LPCAT1: variants seen among roughly 807,000 people sequenced by gnomAD.
LPCAT1 encodes the protein lysophosphatidylcholine acyltransferase 1, also known as 1-acylglycerol-3-phosphate O-acyltransferase.
In LPCAT1, 23 loss-of-function variants were observed where a neutral mutation model predicts 60.9. That is an observed-to-expected ratio of 0.38 (90% CI 0.27 to 0.53). The LOEUF is 0.53. Ranked by LOEUF, LPCAT1 falls within the 20% of genes least tolerant of loss-of-function variation. The pLI is 0.82. For synonymous variants in LPCAT1, 340 were observed against 301.1 expected, an observed-to-expected ratio of 1.13 and a Z score of -1.34; for missense variants, 622 against 723.6, an observed-to-expected ratio of 0.86 and a Z score of 1.61.
chr5:1,503,741 T>A (rs980198072), intron 1 of LPCAT1, among the ~76,000 whole-genome samples: 72 of 152,200 alleles, frequency 4.7e-4, no homozygotes, highest in African/African-American at 1.7e-3. Context: ...GTCCCTTTTT[T>A]TTTGGGTTGA....
intron 12 of LPCAT1, among the ~76,000 whole-genome samples, chr5:1,467,481 G>C (rs1418978704): frequency 4.6e-5 from 7 of 152,148 alleles, no homozygotes. Flanking sequence ...TCTTCCTCCT[G>C]CTCCAGGTGT....
rs141892570 is a variant in LPCAT1, at chr5:1,521,337, A to G, written c.135+2373T>C. The G allele has an allele frequency of 8.9e-5, 88 of 985,438 alleles. No homozygotes were observed. The African/African-American group carries it at 1.5e-3, about 17-fold the overall frequency. 61.0% of individuals were successfully genotyped at this position (985,438 alleles called of 1,614,324 possible). A position where few individuals can be genotyped will look rare whatever the true frequency, so the allele number is the denominator to read the frequency against. ...GCGGCAAATGCTCACAGGTAAATGC[A>G]GGTACTCACTGGTTTATCTCAACTG... On this transcript the variant is annotated intron_variant, in intron 1 of 13. Coordinates refer to ENST00000283415, the MANE Select transcript of LPCAT1 (RefSeq NM_024830.5). The surrounding 1 kb of genome is among the most constrained non-coding windows in gnomAD (Gnocchi z 4.3).
At chr5:1,465,411 CTA>C (rs1491167478) in intron 13 of LPCAT1, among the ~76,000 whole-genome samples, 3 of 147,396 alleles carry the variant, frequency 2.0e-5, no homozygotes, top group Admixed American at 6.8e-5. Context: ...CACATGGTAA[CTA>C]CACACATGCA....
Position 1,481,442 on chromosome 5 carries a change from C to T in LPCAT1, c.727-466G>A, listed in dbSNP as rs1735138203. Reference sequence around the variant, plus strand: ...TCTGAGTGTTCCCCCAACCACGGTGCATGTGCAGGGCCCCCCCACCCCGGG... The same window carrying T: ...TCTGAGTGTTCCCCCAACCACGGTGTATGTGCAGGGCCCCCCCACCCCGGG... On this transcript the variant is annotated intron_variant, in intron 6 of 13. Transcript: ENST00000283415. This position sits in a 1 kb window ranked among gnomAD's most constrained non-coding sequence, Gnocchi z 7.8. 6.6e-6 allele frequency among the ~76,000 whole-genome samples: 1 copy of T among 152,216 alleles called. No homozygotes were observed. Among genetic ancestry groups the T allele is most frequent in the Non-Finnish European group, 1.5e-5 (1 of 68,040 alleles).
intron 2 of LPCAT1, among the ~76,000 whole-genome samples, chr5:1,498,637 CACAT>C (rs1179561826): frequency 6.7e-6 from 1 of 149,176 alleles, no homozygotes; most frequent in Non-Finnish European, 1.5e-5. Flanking sequence ...CACATATACA[CACAT>C]ACATGTACAC....
chr5:1,465,650 TAACTA>T (rs1281856352), intron 13 of LPCAT1, among the ~76,000 whole-genome samples: 1 of 148,244 alleles, frequency 6.7e-6, no homozygotes, highest in Non-Finnish European at 1.5e-5. Context: ...ACAGACACGG[TAACTA>T]AACACGTGCG....
In LPCAT1 at chr5:1,501,613, G is replaced by A. The variant is rs1406528266; in HGVS notation, c.136-10C>T. 9.3e-6 allele frequency: 15 copies of A among 1,613,552 alleles called. No homozygotes were observed. Among genetic ancestry groups the A allele is most frequent in the Non-Finnish European group, 1.3e-5 (15 of 1,179,654 alleles). Reference sequence around the variant, plus strand: ...GTGTCATGAGGGCCACCTGCAGACAGAGGGGGGCATTATCCAGAGAATCCA... The same window carrying A: ...GTGTCATGAGGGCCACCTGCAGACAAAGGGGGGCATTATCCAGAGAATCCA... On this transcript the variant is annotated splice_polypyrimidine_tract_variant and intron_variant, in intron 1 of 13. Transcript: ENST00000283415.
intron 1 of LPCAT1, among the ~76,000 whole-genome samples, chr5:1,507,749 T>A (rs1162836881): frequency 6.6e-6 from 1 of 152,126 alleles, no homozygotes; most frequent in Non-Finnish European, 1.5e-5. Flanking sequence ...GTGACAGGGA[T>A]CCAGCAACAG....
intron 1 of LPCAT1, among the ~76,000 whole-genome samples, chr5:1,503,669 A>G (rs1423410337): frequency 2.0e-5 from 3 of 151,956 alleles, no homozygotes; most frequent in African/African-American, 7.3e-5. Context: ...ACCAGCGTGC[A>G]CCCATGCCTG....
Position 1,481,384 on chromosome 5 carries a change from G to A in LPCAT1, c.727-408C>T, listed in dbSNP as rs759947601. Among the ~76,000 whole-genome samples, 1 of 152,182 alleles carries A rather than the reference G, an allele frequency of 6.6e-6. No individual in the cohort carries two copies. Among genetic ancestry groups the A allele is most frequent in the Admixed American group, 6.5e-5 (1 of 15,286 alleles). ...AATTCCAGTGTGCACCCGGGACCCC[G>A]GCCCTCTCCTGCCCACCGCTCTCTC... is the stretch of plus-strand genomic sequence containing the variant. On this transcript the variant is annotated intron_variant, in intron 6 of 13. Transcript: ENST00000283415. The surrounding 1 kb of genome is among the most constrained non-coding windows in gnomAD (Gnocchi z 7.8).
intron 1 of LPCAT1, among the ~76,000 whole-genome samples, chr5:1,513,665 A>T (rs1484966328): frequency 1.3e-5 from 2 of 149,724 alleles, no homozygotes; most frequent in Non-Finnish European, 3.0e-5. Context: ...CCATTTCCAC[A>T]GGCTCTCACC....
rs1350225121 is a variant in LPCAT1, at chr5:1,462,192, T to A, written c.*1459A>T. 2.0e-5 allele frequency: 3 copies of A among 152,526 alleles called. No individual in the cohort carries two copies. The highest frequency in any genetic ancestry group is 4.4e-5 in the Non-Finnish European group (3 of 68,006). 9.4% of individuals were successfully genotyped at this position (152,526 alleles called of 1,614,324 possible). A position where few individuals can be genotyped will look rare whatever the true frequency, so the allele number is the denominator to read the frequency against. On this transcript the variant is annotated 3_prime_UTR_variant, in exon 14 of 14. Transcript: ENST00000283415. ...ACTTTCTATAGAGATGCCCCAAATA[T>A]AAAAATCAATTCATTTCAGAAATCA...
chr5:1,466,657 C>A, intron 13 of LPCAT1, 92 bp downstream of exon 13: 1 of 1,399,624 alleles, frequency 7.1e-7, no homozygotes, highest in Non-Finnish European at 9.6e-7. Context: ...GGGGACTCCA[C>A]TCCTGTCCTG....
In LPCAT1 at chr5:1,505,268, G is replaced by A. The variant is rs554068733; in HGVS notation, c.136-3665C>T. 4.0e-5 allele frequency among the ~76,000 whole-genome samples: 6 copies of A among 150,606 alleles called. No individual in the cohort carries two copies. The South Asian group carries it at 1.0e-3, about 26-fold the overall frequency. ...GCGGAATAAAATCACAGTAACCCACGCTGTTCCTGAAACAGCACCGACTGC... is the reference window on the plus strand; with the variant it reads ...GCGGAATAAAATCACAGTAACCCACACTGTTCCTGAAACAGCACCGACTGC... On this transcript the variant is annotated intron_variant, in intron 1 of 13. Transcript: ENST00000283415.
At position 1,496,770 on chromosome 5, in the gene LPCAT1, G is replaced by A. The variant is rs569351525; in HGVS notation, c.279-1856C>T. ...CCAAACTATCCACATGTGAAAACCC[G>A]GACTGCTGGTGTGGATGACAGCCTC... On this transcript the variant is annotated intron_variant, in intron 2 of 13. Coordinates refer to ENST00000283415, the MANE Select transcript of LPCAT1 (RefSeq NM_024830.5). This position sits in a 1 kb window ranked among gnomAD's most constrained non-coding sequence, Gnocchi z 4.7. Among the ~76,000 whole-genome samples the A allele has an allele frequency of 5.3e-5, 8 of 152,266 alleles. No individual in the cohort carries two copies. The highest frequency in any genetic ancestry group is 3.9e-4 in the East Asian group (2 of 5,180).
intron 1 of LPCAT1, among the ~76,000 whole-genome samples, chr5:1,510,384 T>C (rs1579811568): frequency 6.6e-6 from 1 of 152,340 alleles, no homozygotes; most frequent in East Asian, 1.9e-4. Context: ...TCCACCGTCC[T>C]CACCAGAACC....
At position 1,476,364 on chromosome 5, in the gene LPCAT1, C is replaced by T. The variant is rs1033102620; in HGVS notation, c.899+1040G>A. On this transcript the variant is annotated intron_variant, in intron 9 of 13. Transcript: ENST00000283415. This position sits in a 1 kb window ranked among gnomAD's most constrained non-coding sequence, Gnocchi z 8.6. ...AGACTGCCGGGCCCATTTCTACCCT[C>T]GGACACATGCTTTGGGAGGGAGAGG... Among the ~76,000 whole-genome samples the T allele has an allele frequency of 2.6e-5, 4 of 152,126 alleles. No individual in the cohort carries two copies. In the East Asian group the frequency reaches 5.8e-4, roughly 22 times the overall value.
chr5:1,478,853 G>A (rs1181705459), intron 8 of LPCAT1, among the ~76,000 whole-genome samples: 1 of 152,196 alleles, frequency 6.6e-6, no homozygotes, highest in Admixed American at 6.5e-5. Flanking sequence ...ACTCCTCATC[G>A]ACTTAGAAAA....
At chr5:1,472,990 T>A (rs2126497496) in intron 11 of LPCAT1, among the ~76,000 whole-genome samples, 1 of 152,042 alleles carries the variant, frequency 6.6e-6, no homozygotes, top group South Asian at 2.1e-4. Context: ...CTCCTCATCT[T>A]CTCTTGCTCT....
Sources: gnomAD v4.1 joint callset for allele counts (sites outside exome capture counted in the v4.1 genomes callset) on GRCh38, gnomAD v4.1.1 for gene constraint, Gnocchi (gnomAD v3.1) non-coding constraint, MANE v1.5 for transcripts, NCBI Gene and HGNC (gene_info 2026-07-23, HGNC 2026-07-21) for gene names.